The following DCLK1 variants were observed in gnomAD, a reference collection of about 807,000 sequenced individuals.
DCLK1 encodes the protein serine/threonine-protein kinase DCLK1.
A neutral mutation model predicts 86.2 loss-of-function variants in DCLK1; 16 were observed. The ratio of observed to expected loss-of-function variants is 0.19; its 90% CI spans 0.13 to 0.28. DCLK1 has a LOEUF of 0.28. Among genes scored for constraint, DCLK1 ranks in the 10% least tolerant of loss-of-function variants. DCLK1 has a pLI of 1.00. For missense variants in DCLK1, 590 were observed against 940.2 expected (o/e 0.63, Z 4.87); for synonymous variants, 369 against 370.5 (o/e 1.00, Z 0.05).
At chr13:35,820,585 CA>C (rs1555341938) in intron 11 of DCLK1, among the ~76,000 whole-genome samples, 2 of 151,964 alleles carry the variant, frequency 1.3e-5, no homozygotes, top group Non-Finnish European at 2.9e-5. Flanking sequence ...AACTGAGCAG[CA>C]AAAGCAAAAA....
intron 3 of DCLK1, among the ~76,000 whole-genome samples, chr13:36,105,933 C>G (rs1473112040): frequency 6.6e-6 from 1 of 152,140 alleles, no homozygotes; most frequent in Non-Finnish European, 1.5e-5. Flanking sequence ...CTCCAGCTGT[C>G]ATAGAAGCAA....
chr13:35,784,045 A>G (rs2153098187), intron 16 of DCLK1, among the ~76,000 whole-genome samples: 2 of 152,344 alleles, frequency 1.3e-5, no homozygotes, highest in South Asian at 4.1e-4. Flanking sequence ...TATACCTCAT[A>G]AAGCCTCTAT....
intron 4 of DCLK1, among the ~76,000 whole-genome samples, chr13:35,943,872 C>T (rs1566613941): frequency 1.3e-5 from 2 of 152,178 alleles, no homozygotes; most frequent in Non-Finnish European, 2.9e-5. Flanking sequence ...GTGACATTTT[C>T]CCTGCCTCTG....
At chr13:35,907,183 G>A (rs1313004892) in intron 4 of DCLK1, among the ~76,000 whole-genome samples, 1 of 152,044 alleles carries the variant, frequency 6.6e-6, no homozygotes, top group Non-Finnish European at 1.5e-5. Context: ...ATTTATTTGA[G>A]ACAGGGTCTC....
intron 4 of DCLK1, among the ~76,000 whole-genome samples, chr13:35,946,739 T>C (rs773587216): frequency 2.0e-5 from 3 of 152,228 alleles, no homozygotes; most frequent in Non-Finnish European, 2.9e-5. Flanking sequence ...TGATTAATAG[T>C]ATCAAAAATA....
intron 3 of DCLK1, among the ~76,000 whole-genome samples, chr13:36,014,366 C>G (rs1881443759): frequency 6.6e-6 from 1 of 152,192 alleles, no homozygotes; most frequent in African/African-American, 2.4e-5. Flanking sequence ...ACTTTGCATT[C>G]TTCTTCAGAA....
intron 4 of DCLK1, among the ~76,000 whole-genome samples, chr13:35,909,641 A>AT (rs566124878): frequency 8.0e-6 from 1 of 125,262 alleles, no homozygotes; most frequent in African/African-American, 3.0e-5. Context: ...GTGTGTGTGT[A>AT]TTTTTTTTTT....
At chr13:35,885,624 TAGCTGTTTCAGGG>T (rs1873181314) in intron 4 of DCLK1, among the ~76,000 whole-genome samples, 1 of 152,166 alleles carries the variant, frequency 6.6e-6, no homozygotes, top group African/African-American at 2.4e-5. Context: ...CCAGGAAACT[TAGCTGTTTCAGGG>T]AATTGATGGG....
intron 11 of DCLK1, among the ~76,000 whole-genome samples, chr13:35,811,523 T>A (rs2087143961): frequency 6.6e-6 from 1 of 152,154 alleles, no homozygotes; most frequent in Admixed American, 6.6e-5. Context: ...ATGAAAATAA[T>A]CTCTTTGTTT....
At chr13:35,966,006 A>G (rs946582401) in intron 3 of DCLK1, among the ~76,000 whole-genome samples, 6 of 152,240 alleles carry the variant, frequency 3.9e-5, no homozygotes, top group African/African-American at 1.4e-4. Flanking sequence ...AAAGAGACAA[A>G]CAAAACAAAC....
At chr13:35,777,141 C>A (rs2086437407) in intron 16 of DCLK1, among the ~76,000 whole-genome samples, 1 of 152,200 alleles carries the variant, frequency 6.6e-6, no homozygotes, top group Non-Finnish European at 1.5e-5. Flanking sequence ...GATAAGACCT[C>A]ATGCACAAAT....
chr13:35,924,153 G>A (rs9601646), intron 4 of DCLK1, among the ~76,000 whole-genome samples: 67,021 of 151,978 alleles, frequency 0.44, 17,127 homozygotes, highest in Non-Finnish European at 0.56. Context: ...CCCTTGATGT[G>A]TGCAGCTGCC....
chr13:35,863,194 A>T (rs1189611599), intron 5 of DCLK1, among the ~76,000 whole-genome samples: 1 of 152,214 alleles, frequency 6.6e-6, no homozygotes, highest in African/African-American at 2.4e-5. Flanking sequence ...CAATGGCAAA[A>T]TTGCCTAATA....
intron 3 of DCLK1, among the ~76,000 whole-genome samples, chr13:35,970,934 G>A (rs1271411067): frequency 1.3e-5 from 2 of 152,152 alleles, no homozygotes; most frequent in African/African-American, 2.4e-5. Flanking sequence ...GAACAGAGAT[G>A]AGACTGGGCT....
chr13:36,038,309 G>A (rs929870174), intron 3 of DCLK1, among the ~76,000 whole-genome samples: 6 of 152,148 alleles, frequency 3.9e-5, no homozygotes, highest in African/African-American at 9.7e-5. Flanking sequence ...TTTAAGGCCC[G>A]GAGATGGTTC....
intron 4 of DCLK1, among the ~76,000 whole-genome samples, chr13:35,939,466 G>A (rs139771526): frequency 2.6e-5 from 4 of 152,182 alleles, no homozygotes; most frequent in Admixed American, 6.5e-5. Flanking sequence ...CAGGAGTGGC[G>A]CAATCTCTGC....
chr13:35,812,696 T>C (rs1287238451), intron 11 of DCLK1, among the ~76,000 whole-genome samples: 1 of 152,246 alleles, frequency 6.6e-6, no homozygotes, highest in Non-Finnish European at 1.5e-5. Context: ...AATATTCTTT[T>C]ACGTTTTCTC....
At chr13:36,100,433 C>T (rs932442370) in intron 3 of DCLK1, among the ~76,000 whole-genome samples, 12 of 152,008 alleles carry the variant, frequency 7.9e-5, no homozygotes, top group Non-Finnish European at 1.5e-4. Flanking sequence ...AATAAGCCTG[C>T]GCTATTCCTT....
intron 3 of DCLK1, among the ~76,000 whole-genome samples, chr13:36,093,093 T>A (rs1267025136): frequency 6.6e-6 from 1 of 152,158 alleles, no homozygotes; most frequent in Admixed American, 6.5e-5. Flanking sequence ...CAGCTTGAAA[T>A]CCTTACTTCT....
Sources: gnomAD v4.1 joint callset for allele counts (sites outside exome capture counted in the v4.1 genomes callset) on GRCh38, gnomAD v4.1.1 for gene constraint, MANE v1.5 for transcripts, NCBI Gene and HGNC (gene_info 2026-07-23, HGNC 2026-07-21) for gene names.